The following PFKFB3 variants were observed in gnomAD, a reference collection of about 807,000 sequenced individuals.
PFKFB3 encodes the protein 6-phosphofructo-2-kinase/fructose-2,6-bisphosphatase 3.
Under a neutral mutation model 68.0 loss-of-function variants are expected in PFKFB3, and 33 were observed. That is an observed-to-expected ratio of 0.49 (90% CI 0.37 to 0.65). PFKFB3 has a LOEUF of 0.65. Ranked by LOEUF, PFKFB3 falls within the 30% of genes least tolerant of loss-of-function variation. PFKFB3 has a pLI of 0.00. For synonymous variants in PFKFB3, 315 were observed against 288.2 expected (o/e 1.09, Z -0.94); for missense variants, 586 against 712.2 (o/e 0.82, Z 2.02).
chr10:6,306,964 T>C, the PFKFB3 span, among the ~76,000 whole-genome samples: 2 of 152,216 alleles, frequency 1.3e-5, no homozygotes, highest in Non-Finnish European at 2.9e-5. Flanking sequence ...TTGAGGGTGC[T>C]TTTGGGTGAA....
intron 1 of PFKFB3, among the ~76,000 whole-genome samples, chr10:6,179,642 G>A (rs1482049565): frequency 6.6e-6 from 1 of 152,176 alleles, no homozygotes; most frequent in African/African-American, 2.4e-5. Flanking sequence ...GGGGAGAAAA[G>A]GAAGAACCCG....
intron 13 of PFKFB3, among the ~76,000 whole-genome samples, chr10:6,225,473 C>T (rs563089154): frequency 6.6e-6 from 1 of 152,330 alleles, no homozygotes; most frequent in South Asian, 2.1e-4. Flanking sequence ...GAGCCACTGC[C>T]CCCGCTATGG....
At chr10:6,205,275 T>G (rs893114194) in intron 1 of PFKFB3, among the ~76,000 whole-genome samples, 2 of 152,160 alleles carry the variant, frequency 1.3e-5, no homozygotes, top group African/African-American at 4.8e-5. Context: ...TATAGTCACA[T>G]TTAACTCTTA....
chr10:6,231,326 G>T, intron 14 of PFKFB3: 1 of 1,612,376 alleles, frequency 6.2e-7, no homozygotes. Context: ...TAAATGCCTG[G>T]GTGCATGTCC....
rs773888395 is a variant in PFKFB3 at position 6,183,601 on chromosome 10, CAAA to C, written c.17-30010_17-30008del. Among the ~76,000 whole-genome samples the C allele has an allele frequency of 7.0e-3, 892 of 127,812 alleles. 8 individuals carry two copies. Among genetic ancestry groups the C allele is most frequent in the Non-Finnish European group, 7.8e-3 (488 of 62,834 alleles). The allele number at this position is 127,812 out of a possible 152,430, so 83.8% of individuals were successfully genotyped here. On this transcript the variant is annotated intron_variant, in intron 1 of 14. Coordinates refer to the PFKFB3 transcript ENST00000379789. ...GTCAGGAGTTCGAGACCAGCCTGGT[CAAA>C]AAAAAAAAAAATATATATATATATA...
chr10:6,276,668 C>G, the PFKFB3 span, among the ~76,000 whole-genome samples: 3 of 151,692 alleles, frequency 2.0e-5, no homozygotes, highest in Non-Finnish European at 4.4e-5. Context: ...AAAAAATTGA[C>G]ATAATTATAG....
At chr10:6,209,765 CTTTTTTTT>C (rs56822740) in intron 1 of PFKFB3, among the ~76,000 whole-genome samples, 2 of 121,268 alleles carry the variant, frequency 1.6e-5, no homozygotes, top group Admixed American at 1.9e-4. Flanking sequence ...CTTACCTTTT[CTTTTTTTT>C]TTTTTTTTTG....
chr10:6,189,128 C>T (rs528091522), intron 1 of PFKFB3, among the ~76,000 whole-genome samples: 10 of 152,120 alleles, frequency 6.6e-5, no homozygotes, highest in South Asian at 6.2e-4. Flanking sequence ...CGTGAGCCAC[C>T]GCACCTGGCG....
the PFKFB3 span, among the ~76,000 whole-genome samples, chr10:6,311,126 C>T: frequency 6.6e-6 from 1 of 152,200 alleles, no homozygotes; most frequent in Non-Finnish European, 1.5e-5. Flanking sequence ...CTGAAGCGCA[C>T]GCTTTGTGGT....
chr10:6,156,045 A>G (rs1296135616), intron 1 of PFKFB3, among the ~76,000 whole-genome samples: 3 of 151,750 alleles, frequency 2.0e-5, no homozygotes, highest in South Asian at 2.1e-4. Context: ...GGAGTCTCCA[A>G]TGTCTATTAT....
At chr10:6,308,084 T>A in the PFKFB3 span, among the ~76,000 whole-genome samples, 1 of 152,226 alleles carries the variant, frequency 6.6e-6, no homozygotes. Flanking sequence ...CCTTTCTTTA[T>A]GAATTAGCCA....
intron 14 of PFKFB3, among the ~76,000 whole-genome samples, chr10:6,246,259 A>G (rs1846256381): frequency 6.6e-6 from 1 of 152,168 alleles, no homozygotes; most frequent in African/African-American, 2.4e-5. Context: ...ACAATCCTTT[A>G]ATCCGGTAAC....
chr10:6,318,332 A>AGTGTG, the PFKFB3 span, among the ~76,000 whole-genome samples: 1 of 152,322 alleles, frequency 6.6e-6, no homozygotes, highest in South Asian at 2.1e-4. Flanking sequence ...AGATTGGAGC[A>AGTGTG]TACACCACCA....
chr10:6,146,411 C>G (rs927999219), intron 1 of PFKFB3: 83 of 1,535,420 alleles, frequency 5.4e-5, no homozygotes, highest in Non-Finnish European at 6.9e-5. Context: ...AAGGTGACAG[C>G]CAGCAAGCAG....
the PFKFB3 span, among the ~76,000 whole-genome samples, chr10:6,266,559 G>T: frequency 6.6e-6 from 1 of 152,158 alleles, no homozygotes; most frequent in African/African-American, 2.4e-5. Context: ...ATATGTGTGT[G>T]TGTTCACATA....
intron 1 of PFKFB3, among the ~76,000 whole-genome samples, chr10:6,179,355 A>G (rs678395): frequency 0.099 from 15,105 of 152,322 alleles, 867 homozygotes; most frequent in Non-Finnish European, 0.13. Flanking sequence ...TTTGAGCCAC[A>G]CAAATCCAAA....
chr10:6,301,563 T>G, the PFKFB3 span, among the ~76,000 whole-genome samples: 2 of 152,248 alleles, frequency 1.3e-5, no homozygotes, highest in African/African-American at 4.8e-5. Context: ...TTCAGGTTTT[T>G]TACTTACTGC....
Position 6,232,910 on chromosome 10 carries a change from C to T in PFKFB3, c.1531C>T (p.Arg511Trp), listed in dbSNP as rs757123518. ...CTGAAAACAGAACATGAAAGGCTCC[C>T]GGAGCAGCGCTGACTCCTCCAGGAA... Reference protein sequence around the residue: ...QLPGQNMKGSRSSADSSRKH With the variant: ...QLPGQNMKGSWSSADSSRKH Residue 511 changes from arginine (R) to tryptophan (W), a missense_variant, in exon 15 of 15, where the codon CGG becomes TGG. By Grantham distance (101) the Arg-to-Trp change is moderately radical. Coordinates refer to ENST00000379775, the MANE Select transcript of PFKFB3 (RefSeq NM_004566.4). The T allele has an allele frequency of 4.9e-5, 79 of 1,613,056 alleles. No homozygotes were observed. The highest frequency in any genetic ancestry group is 2.0e-4 in the South Asian group (18 of 91,054).
rs114462330 is a variant in PFKFB3 at position 6,248,741 on chromosome 10, A to T, written c.1516-5437A>T. Reference sequence around the variant, plus strand: ...AATATGTTCAATATTACTAATGTTGATTAATGCGTCATTAATGCATTCATG... The same window carrying T: ...AATATGTTCAATATTACTAATGTTGTTTAATGCGTCATTAATGCATTCATG... On this transcript the variant is annotated intron_variant, in intron 14 of 14. Coordinates refer to the PFKFB3 transcript ENST00000640683. Among the ~76,000 whole-genome samples the T allele has an allele frequency of 3.1e-3, 478 of 152,064 alleles. 4 individuals are homozygous for T. Among genetic ancestry groups the T allele is most frequent in the African/African-American group, 0.011 (454 of 41,510 alleles).
Sources: gnomAD v4.1 joint callset for allele counts (sites outside exome capture counted in the v4.1 genomes callset) on GRCh38, gnomAD v4.1.1 for gene constraint, MANE v1.5 for transcripts, NCBI Gene and HGNC (gene_info 2026-07-23, HGNC 2026-07-21) for gene names.